PCLO: variants seen among roughly 807,000 people sequenced by gnomAD.
PCLO encodes the protein piccolo presynaptic cytomatrix protein.
PCLO carries 82 observed loss-of-function variants against 427.5 expected under a neutral mutation model. The observed-to-expected ratio is 0.19, with a 90% CI of 0.16 to 0.23. PCLO has a LOEUF of 0.23. Ranked by LOEUF, PCLO falls within the 10% of genes least tolerant of loss-of-function variation. The probability of loss-of-function intolerance (pLI) is 1.00; values close to 1 mark genes in which losing one functional copy is unlikely to be tolerated. For synonymous variants in PCLO, 2,357 were observed against 2,155.4 expected, an observed-to-expected ratio of 1.09 and a Z score of -2.59; for missense variants, 6,239 against 6,115.9, an observed-to-expected ratio of 1.02 and a Z score of -0.67.
intron 3 of PCLO, among the ~76,000 whole-genome samples, chr7:83,120,421 A>G (rs1791246890): frequency 6.6e-6 from 1 of 150,830 alleles, no homozygotes; most frequent in Admixed American, 6.6e-5. Context: ...AAAAAAAAAA[A>G]GTTTATTCAA....
intron 3 of PCLO, among the ~76,000 whole-genome samples, chr7:83,077,693 C>T (rs865935133): frequency 3.9e-5 from 6 of 152,206 alleles, no homozygotes; most frequent in African/African-American, 4.8e-5. Flanking sequence ...GGCGTTCTCC[C>T]TGTTGTGTTC....
intron 10 of PCLO, among the ~76,000 whole-genome samples, chr7:82,858,486 C>T (rs746048934): frequency 3.9e-5 from 6 of 152,024 alleles, no homozygotes; most frequent in Non-Finnish European, 5.9e-5. Context: ...GAAAATACAT[C>T]TATACTGGAG....
chr7:83,007,702 A>C (rs1787982884), intron 3 of PCLO, among the ~76,000 whole-genome samples: 1 of 151,540 alleles, frequency 6.6e-6, no homozygotes, highest in Admixed American at 6.6e-5. Flanking sequence ...GTAGAGTCAG[A>C]CTGCCTGGGT....
chr7:83,022,557 C>A (rs1191048686), intron 3 of PCLO, among the ~76,000 whole-genome samples: 2 of 152,058 alleles, frequency 1.3e-5, no homozygotes, highest in East Asian at 1.9e-4. Context: ...GTTGGCAAAT[C>A]CTAGCCGAGA....
At chr7:83,059,300 T>TATATATATTATATTTATATATTATATATA (rs1789479344) in intron 3 of PCLO, among the ~76,000 whole-genome samples, 2 of 143,840 alleles carry the variant, frequency 1.4e-5, no homozygotes, top group Non-Finnish European at 3.0e-5. Context: ...ATCAAATATA[T>TATATATATTATATTTATATATTATATATA]ATATATATTA....
In PCLO at chr7:83,038,028, TATTTATATATTTATATA is replaced by T. The variant is rs1562932972; in HGVS notation, c.3301-71558_3301-71542del. 7.7e-3 allele frequency among the ~76,000 whole-genome samples: 379 copies of T among 49,428 alleles called. 41 individuals are homozygous for T. The highest frequency in any genetic ancestry group is 0.047 in the African/African-American group (357 of 7,576). 32.4% of individuals were successfully genotyped at this position (49,428 alleles called of 152,430 possible). On this transcript the variant is annotated intron_variant, in intron 3 of 24. Transcript: ENST00000333891. ...ATATATATATATATATATATATATA[TATTTATATATTTATATA>T]TATATCTTTATATATATATTTATAT...
At chr7:83,025,482 T>G (rs1788469074) in intron 3 of PCLO, among the ~76,000 whole-genome samples, 1 of 151,820 alleles carries the variant, frequency 6.6e-6, no homozygotes, top group Non-Finnish European at 1.5e-5. Flanking sequence ...ATCTGATTGG[T>G]GTACCTGAAA....
intron 22 of PCLO, among the ~76,000 whole-genome samples, chr7:82,800,626 C>T (rs1791326665): frequency 6.6e-6 from 1 of 152,016 alleles, no homozygotes; most frequent in African/African-American, 2.4e-5. Flanking sequence ...GATGGAGTCT[C>T]CCTCTGTCGC....
intron 16 of PCLO, among the ~76,000 whole-genome samples, chr7:82,829,233 G>A (rs554922650): frequency 4.6e-5 from 7 of 152,214 alleles, no homozygotes; most frequent in African/African-American, 7.2e-5. Flanking sequence ...GGGAAATAAC[G>A]CTCAACATTG....
At position 82,919,766 on chromosome 7, in the gene PCLO, T is replaced by C. The variant is rs151202167; in HGVS notation, c.11113-2893A>G. Among the ~76,000 whole-genome samples the C allele has an allele frequency of 2.3e-3, 352 of 152,122 alleles. 2 individuals are homozygous for C. The highest frequency in any genetic ancestry group is 8.2e-3 in the African/African-American group (339 of 41,568). On this transcript the variant is annotated intron_variant, in intron 6 of 24. Coordinates refer to ENST00000333891, the MANE Select transcript of PCLO (RefSeq NM_033026.6). ...TGCCATCTTTTGGTTAAATTGTAAA[T>C]ATGATCATCCATGAATTTTCCTCCA...
intron 14 of PCLO, among the ~76,000 whole-genome samples, chr7:82,841,060 A>G (rs1235326138): frequency 2.0e-5 from 3 of 151,894 alleles, no homozygotes; most frequent in Non-Finnish European, 4.4e-5. Context: ...ACTTCTCTAC[A>G]AAAACTATTC....
chr7:83,149,863 T>C (rs1364914882), intron 2 of PCLO, among the ~76,000 whole-genome samples: 1 of 152,216 alleles, frequency 6.6e-6, no homozygotes, highest in African/African-American at 2.4e-5. Flanking sequence ...AGAAAGTTTA[T>C]ATGAAAGTTG....
At chr7:82,919,861 T>A (rs1210289852) in intron 6 of PCLO, among the ~76,000 whole-genome samples, 1 of 151,988 alleles carries the variant, frequency 6.6e-6, no homozygotes, top group Non-Finnish European at 1.5e-5. Context: ...AGATATTTAT[T>A]AAATGTCTCC....
chr7:82,917,534 TTTTCA>T (rs1388934538), intron 6 of PCLO, among the ~76,000 whole-genome samples: 3 of 152,076 alleles, frequency 2.0e-5, no homozygotes, highest in Admixed American at 6.6e-5. Flanking sequence ...TTTCAGATAT[TTTTCA>T]TTTCATTTGG....
Position 82,754,607 on chromosome 7 carries a change from A to C in PCLO, c.*3968T>G, listed in dbSNP as rs989586914. 3 of 152,122 alleles carry C rather than the reference A, an allele frequency of 2.0e-5. No individual in the cohort carries two copies. The highest frequency in any genetic ancestry group is 1.5e-5 in the Non-Finnish European group (1 of 67,958). The allele number at this position is 152,122 out of a possible 1,614,324, so 9.4% of individuals were successfully genotyped here. ...CTTATGTACAAGGTAATGCATTAAG[A>C]AAATGCTCTCAATCTACCTATCAGA... On this transcript the variant is annotated 3_prime_UTR_variant, in exon 25 of 25. Coordinates refer to ENST00000333891, the MANE Select transcript of PCLO (RefSeq NM_033026.6).
chr7:82,984,408 CTGTGTGTG>C (rs5885327), intron 3 of PCLO, among the ~76,000 whole-genome samples: 63 of 135,942 alleles, frequency 4.6e-4, no homozygotes, highest in Middle Eastern at 3.6e-3. Flanking sequence ...AATGTGGTGT[CTGTGTGTG>C]TGTGTGTGTG....
At chr7:82,901,247 T>C (rs1794031870) in intron 9 of PCLO, among the ~76,000 whole-genome samples, 2 of 151,932 alleles carry the variant, frequency 1.3e-5, no homozygotes, top group Non-Finnish European at 2.9e-5. Flanking sequence ...TTTTTTTACA[T>C]TTCTCAAAAC....
At chr7:83,052,313 T>C (rs906431272) in intron 3 of PCLO, among the ~76,000 whole-genome samples, 1 of 151,900 alleles carries the variant, frequency 6.6e-6, no homozygotes, top group Non-Finnish European at 1.5e-5. Flanking sequence ...TTTCTGTAAA[T>C]ATAAAACTGC....
At chr7:83,021,142 C>A (rs1788332580) in intron 3 of PCLO, among the ~76,000 whole-genome samples, 2 of 152,252 alleles carry the variant, frequency 1.3e-5, no homozygotes, top group East Asian at 1.9e-4. Flanking sequence ...ACAGTGACCT[C>A]AATTTTACAG....
Sources: allele counts gnomAD v4.1 joint callset (sites outside exome capture counted in the v4.1 genomes callset), GRCh38; gene constraint gnomAD v4.1.1; transcripts MANE v1.5; gene names NCBI Gene and HGNC (gene_info 2026-07-23, HGNC 2026-07-21).